The following MAP3K4 variants were observed in gnomAD, a reference collection of about 807,000 sequenced individuals.
The protein encoded by MAP3K4 is mitogen-activated protein kinase kinase kinase 4.
MAP3K4 carries 67 observed loss-of-function variants against 185.6 expected under a neutral mutation model. The observed-to-expected ratio is 0.36, with a 90% CI of 0.30 to 0.44. The LOEUF is 0.44. Among genes scored for constraint, MAP3K4 ranks in the 20% least tolerant of loss-of-function variants. The probability of loss-of-function intolerance (pLI) is 1.00; values close to 1 mark genes in which losing one functional copy is unlikely to be tolerated. For missense variants in MAP3K4, 1,551 were observed against 1,995.1 expected (o/e 0.78, Z 4.24); for synonymous variants, 702 against 710.4 (o/e 0.99, Z 0.19).
rs138816307 is a variant in MAP3K4 at position 161,024,346 on chromosome 6, C to G, written c.153-9913C>G. On this transcript the variant is annotated intron_variant, in intron 1 of 26. Coordinates refer to ENST00000392142, the MANE Select transcript of MAP3K4 (RefSeq NM_005922.4). Reference sequence around the variant, plus strand: ...CCCTATACCCTATGCTCAGTTTCCCCTTTTATTAAATTTTATATAACTTCA... The same window carrying G: ...CCCTATACCCTATGCTCAGTTTCCCGTTTTATTAAATTTTATATAACTTCA... Among the ~76,000 whole-genome samples the G allele has an allele frequency of 3.2e-3, 486 of 152,252 alleles. 4 individuals carry two copies. The highest frequency in any genetic ancestry group is 0.011 in the African/African-American group (466 of 41,546).
At chr6:161,042,217 G>A (rs571503393) in intron 2 of MAP3K4, among the ~76,000 whole-genome samples, 1 of 152,286 alleles carries the variant, frequency 6.6e-6, no homozygotes, top group African/African-American at 2.4e-5. Context: ...ACAGTGGAGA[G>A]AAGAGGCTGT....
At position 161,056,764 on chromosome 6, in the gene MAP3K4, C is replaced by T. The variant is rs1377321350; in HGVS notation, c.1707+6785C>T. 6.6e-6 allele frequency among the ~76,000 whole-genome samples: 1 copy of T among 152,152 alleles called. No homozygotes were observed. Among genetic ancestry groups the T allele is most frequent in the Non-Finnish European group, 1.5e-5 (1 of 68,016 alleles). The stretch of plus-strand genomic sequence containing the variant: ...GGTCAGCACCTTTTTCCTTCACCTT[C>T]CTCAGTGAGGTGGTATCATACTTTT... On this transcript the variant is annotated intron_variant, in intron 3 of 26. Transcript: ENST00000392142. This position sits in a 1 kb window ranked among gnomAD's most constrained non-coding sequence, Gnocchi z 5.4.
intron 1 of MAP3K4, among the ~76,000 whole-genome samples, chr6:161,015,114 A>G (rs540143073): frequency 1.3e-5 from 2 of 152,322 alleles, no homozygotes; most frequent in East Asian, 1.9e-4. Context: ...TGTCAACAGT[A>G]TTCTCTTTAA....
At position 161,034,473 on chromosome 6, in the gene MAP3K4, G is replaced by A. The variant is rs922200923; in HGVS notation, c.343+24G>A. 1.9e-6 allele frequency: 3 copies of A among 1,593,370 alleles called. No individual in the cohort carries two copies. The highest frequency in any genetic ancestry group is 2.6e-6 in the Non-Finnish European group (3 of 1,163,418). On this transcript the variant is annotated intron_variant, in intron 2 of 26. Coordinates refer to ENST00000392142, the MANE Select transcript of MAP3K4 (RefSeq NM_005922.4). This position sits in a 1 kb window ranked among gnomAD's most constrained non-coding sequence, Gnocchi z 4.4. ...AGGTGAGTCTTGTACTTGAAAAGAG[G>A]TGTACATGAGAGGGTATGGCACTTG...
Position 161,054,357 on chromosome 6 carries a change from G to T in MAP3K4, c.1707+4378G>T, listed in dbSNP as rs1784142182. On this transcript the variant is annotated intron_variant, in intron 3 of 26. Coordinates refer to ENST00000392142, the MANE Select transcript of MAP3K4 (RefSeq NM_005922.4). The surrounding 1 kb of genome is among the most constrained non-coding windows in gnomAD (Gnocchi z 4.2). ...TTTAGTAGAGATGGTGTTTCACCAT[G>T]TTGGTCAGGCTGGTCTCAAACTCCT... Among the ~76,000 whole-genome samples, 1 of 152,108 alleles carries T rather than the reference G, an allele frequency of 6.6e-6. No individual in the cohort carries two copies. Among genetic ancestry groups the T allele is most frequent in the South Asian group, 2.1e-4 (1 of 4,822 alleles).
intron 3 of MAP3K4, among the ~76,000 whole-genome samples, chr6:161,050,727 A>C (rs1783964932): frequency 6.6e-6 from 1 of 152,242 alleles, no homozygotes; most frequent in Admixed American, 6.5e-5. Context: ...GTGGGATATC[A>C]TTCTTGAGAG....
rs1389573372 is a variant in MAP3K4, at chr6:161,007,791, A to G, written c.152+15708A>G. Among the ~76,000 whole-genome samples, 3 of 152,220 alleles carry G rather than the reference A, an allele frequency of 2.0e-5. No individual in the cohort carries two copies. The highest frequency in any genetic ancestry group is 4.8e-5 in the African/African-American group (2 of 41,464). On this transcript the variant is annotated intron_variant, in intron 1 of 26. Coordinates refer to ENST00000392142, the MANE Select transcript of MAP3K4 (RefSeq NM_005922.4). The surrounding 1 kb of genome is among the most constrained non-coding windows in gnomAD (Gnocchi z 4.5). ...GCTTTTAGAGAGTAATGTTTCATCA[A>G]ACATAAAAGGCTGTCAATTGTAATA... is the stretch of plus-strand genomic sequence containing the variant.
chr6:161,026,297 A>AT (rs58126149), intron 1 of MAP3K4, among the ~76,000 whole-genome samples: 95,421 of 148,564 alleles, frequency 0.64, 30,888 homozygotes, highest in Non-Finnish European at 0.7. Context: ...CGCGCAGCTA[A>AT]TTTTTTTTTT....
Position 161,112,731 on chromosome 6 carries a change from T to C in MAP3K4, c.4583T>C (p.Ile1528Thr). ...GAGGGCCATGGGCGTGCGGCCGACA[T>C]CTGGAGTCTGGGGTGTGTTGTCATA... ...KGEGHGRAAD[I>T]WSLGCVVIEM... The change falls in exon 25 of 27, where the codon ATC becomes ACC. Residue 1528 changes from isoleucine to threonine, a missense_variant. Ile to Thr is a moderately conservative substitution (Grantham distance 89). Around this residue, in one of 16 missense-constraint regions of MAP3K4, gnomAD observed 159 missense variants for 300.5 expected, o/e 0.53. Coordinates refer to ENST00000392142, the MANE Select transcript of MAP3K4 (RefSeq NM_005922.4). The surrounding 1 kb of genome is among the most constrained non-coding windows in gnomAD (Gnocchi z 5.1). The C allele has an allele frequency of 1.2e-6, 2 of 1,609,064 alleles. No individual in the cohort carries two copies. The highest frequency in any genetic ancestry group is 1.7e-6 in the Non-Finnish European group (2 of 1,178,242).
In MAP3K4 at chr6:161,084,654, T is replaced by C. The variant is rs746265869; in HGVS notation, c.2372+37T>C. The C allele has an allele frequency of 8.6e-7, 1 of 1,168,616 alleles. No individual in the cohort carries two copies. Among genetic ancestry groups the C allele is most frequent in the Non-Finnish European group, 1.3e-6 (1 of 774,924 alleles). The allele number at this position is 1,168,616 out of a possible 1,614,324, so 72.4% of individuals were successfully genotyped here. Reference sequence around the variant, plus strand: ...GCTTCCTTTCCCCTTCCACTTCTTATCTCGTAGTTTCCTTCCTCATGGTGA... The same window carrying C: ...GCTTCCTTTCCCCTTCCACTTCTTACCTCGTAGTTTCCTTCCTCATGGTGA... On this transcript the variant is annotated intron_variant, in intron 7 of 26. Transcript: ENST00000392142. This position sits in a 1 kb window ranked among gnomAD's most constrained non-coding sequence, Gnocchi z 4.6.
Position 161,087,271 on chromosome 6 carries a change from A to C in MAP3K4, c.2557-417A>C, listed in dbSNP as rs889677509. Among the ~76,000 whole-genome samples, 1 of 152,062 alleles carries C rather than the reference A, an allele frequency of 6.6e-6. No homozygotes were observed. The highest frequency in any genetic ancestry group is 2.4e-5 in the African/African-American group (1 of 41,418). ...ATCTCAAGGAGCCTTCTTGTGATGA[A>C]CCCCTGGCTCCCTGCCCTGGAATAA... On this transcript the variant is annotated intron_variant, in intron 9 of 26. Transcript: ENST00000392142. The surrounding 1 kb of genome is among the most constrained non-coding windows in gnomAD (Gnocchi z 4.9).
chr6:161,086,733 CTT>C lies in MAP3K4; in HGVS notation c.2556+70_2556+71del. ...CCTTCTTTATTCTAAAACAGGCAGA[CTT>C]TTTCTTGAAGGTCCAGATAGTAAAT... is the stretch of plus-strand genomic sequence containing the variant. On this transcript the variant is annotated intron_variant, in intron 9 of 26. Transcript: ENST00000392142. The surrounding 1 kb of genome is among the most constrained non-coding windows in gnomAD (Gnocchi z 4.8). 1 of 1,337,952 alleles carries C rather than the reference CTT, an allele frequency of 7.5e-7. No individual in the cohort carries two copies. The highest frequency in any genetic ancestry group is 1.9e-5 in the Admixed American group (1 of 53,082). 82.9% of individuals were successfully genotyped at this position (1,337,952 alleles called of 1,614,324 possible).
intron 2 of MAP3K4, among the ~76,000 whole-genome samples, chr6:161,036,822 C>T (rs1783187644): frequency 6.6e-6 from 1 of 152,182 alleles, no homozygotes. Context: ...TGAATACAGA[C>T]ATGATGCTCC....
At chr6:161,035,982 CT>C (rs1783146937) in intron 2 of MAP3K4, among the ~76,000 whole-genome samples, 1 of 152,112 alleles carries the variant, frequency 6.6e-6, no homozygotes, top group Admixed American at 6.5e-5. Flanking sequence ...ACCACTAGTT[CT>C]CCTGGTACTC....
chr6:161,019,168 A>C (rs146851530), intron 1 of MAP3K4, among the ~76,000 whole-genome samples: 1 of 152,350 alleles, frequency 6.6e-6, no homozygotes, highest in Non-Finnish European at 1.5e-5. Flanking sequence ...AAATGCTGTC[A>C]ACCATAGATT....
chr6:161,058,359 T>G (rs1274167503), intron 3 of MAP3K4, among the ~76,000 whole-genome samples: 2 of 152,212 alleles, frequency 1.3e-5, no homozygotes, highest in African/African-American at 4.8e-5. Context: ...GTTACCACAG[T>G]ATCCATCATT....
At chr6:161,046,643 A>G (rs975976882) in intron 2 of MAP3K4, among the ~76,000 whole-genome samples, 10 of 151,668 alleles carry the variant, frequency 6.6e-5, no homozygotes, top group African/African-American at 2.4e-4. Context: ...TAATATAAGA[A>G]AAACCAAGCT....
rs148039349 is a variant in MAP3K4, at chr6:161,111,203, G to C, written c.4397-633G>C. Among the ~76,000 whole-genome samples the C allele has an allele frequency of 3.1e-3, 468 of 152,296 alleles. 3 individuals carry two copies. The highest frequency in any genetic ancestry group is 6.7e-3 in the Admixed American group (103 of 15,298). On this transcript the variant is annotated intron_variant, in intron 23 of 26. Coordinates refer to ENST00000392142, the MANE Select transcript of MAP3K4 (RefSeq NM_005922.4). ...TCTGTGTTGTTGCTTTTCGAAGGAG[G>C]TACCATAGAACACAATGCCAGAGAT... is the stretch of plus-strand genomic sequence containing the variant.
intron 1 of MAP3K4, among the ~76,000 whole-genome samples, chr6:161,004,321 T>C (rs571785897): frequency 6.6e-6 from 1 of 152,324 alleles, no homozygotes; most frequent in Admixed American, 6.5e-5. Flanking sequence ...CAGTGTATCA[T>C]TGTCAGTGAG....
Sources: gnomAD v4.1 joint callset for allele counts (sites outside exome capture counted in the v4.1 genomes callset) on GRCh38, gnomAD v4.1.1 for gene constraint, gnomAD v4.1.1 regional missense constraint, Gnocchi (gnomAD v3.1) non-coding constraint, MANE v1.5 for transcripts, NCBI Gene and HGNC (gene_info 2026-07-23, HGNC 2026-07-21) for gene names.